Variants in SCAF11 observed in about 807,000 individuals in gnomAD.
SCAF11 encodes the protein SR-related CTD associated factor 11.
SCAF11 carries 47 observed loss-of-function variants against 140.5 expected under a neutral mutation model. The observed-to-expected ratio is 0.33, with a 90% CI of 0.26 to 0.43. SCAF11 has a LOEUF of 0.43. SCAF11 is among the 20% of genes least tolerant of loss of function. The pLI, the probability that SCAF11 is intolerant of heterozygous loss-of-function variation, is 1.00. For synonymous variants in SCAF11, 557 were observed against 579.4 expected (o/e 0.96, Z 0.55); for missense variants, 1,645 against 1,705.1 (o/e 0.96, Z 0.62).
chr12:45,974,143 G>T, intron 1 of SCAF11: 1 of 470,158 alleles, frequency 2.1e-6, no homozygotes, highest in Non-Finnish European at 4.4e-6. Flanking sequence ...CATGAAGTGT[G>T]CAACAGCATT....
intron 1 of SCAF11, among the ~76,000 whole-genome samples, chr12:45,965,604 G>A (rs952626361): frequency 2.6e-5 from 4 of 152,290 alleles, no homozygotes; most frequent in African/African-American, 7.2e-5. Flanking sequence ...ATAAGCCACT[G>A]CACCTGGCCT....
intron 6 of SCAF11, among the ~76,000 whole-genome samples, chr12:45,942,769 T>C (rs1175451063): frequency 1.1e-4 from 17 of 152,220 alleles, no homozygotes. Context: ...TAAACGGTCA[T>C]CTCCACAATG....
intron 3 of SCAF11, among the ~76,000 whole-genome samples, chr12:45,960,182 G>A (rs572987249): frequency 6.6e-6 from 1 of 152,214 alleles, no homozygotes; most frequent in East Asian, 1.9e-4. Flanking sequence ...CCTGGAACAT[G>A]TACATCAGGG....
intron 3 of SCAF11, chr12:45,960,659 A>G (rs1195273620): frequency 7.2e-5 from 11 of 152,136 alleles, no homozygotes; most frequent in Non-Finnish European, 1.6e-4. Flanking sequence ...AATAGTTTAT[A>G]TGTATACTAT....
chr12:45,964,524 G>A (rs966832331), intron 1 of SCAF11, among the ~76,000 whole-genome samples: 2 of 152,012 alleles, frequency 1.3e-5, no homozygotes, highest in African/African-American at 4.8e-5. Flanking sequence ...AAAATTAGCC[G>A]GGCGTGGTGG....
At chr12:45,949,560 A>T (rs972854952) in intron 4 of SCAF11, among the ~76,000 whole-genome samples, 6 of 152,136 alleles carry the variant, frequency 3.9e-5, no homozygotes, top group African/African-American at 1.4e-4. Context: ...GGGGTCTACA[A>T]AGAGGGAACA....
intron 8 of SCAF11, among the ~76,000 whole-genome samples, chr12:45,933,490 A>G (rs1008579265): frequency 6.6e-6 from 1 of 152,126 alleles, no homozygotes; most frequent in Non-Finnish European, 1.5e-5. Context: ...AAGTGACAGA[A>G]TTTTTTAAAT....
At chr12:45,990,958 T>TA (rs1364375672), upstream of SCAF11, among the ~76,000 whole-genome samples, 1 of 152,258 alleles carries the variant, frequency 6.6e-6, no homozygotes, top group Non-Finnish European at 1.5e-5. Context: ...TTGGCAGTTT[T>TA]ACAGGCTGCG....
Position 45,923,090 on chromosome 12 carries a change from G to A in SCAF11, c.3971C>T (p.Ala1324Val). The change falls in exon 13 of 15, where the codon GCA becomes GTA. Residue 1324 changes from alanine to valine, a missense_variant. Coordinates refer to ENST00000369367, the MANE Select transcript of SCAF11 (RefSeq NM_004719.3). The part of the protein sequence containing the change: ...MSTPVLPAPT[A>V]APGNTGMVQG... ...AACCATTCCCGTATTTCCTGGGGCT[G>A]CTGTCGGAGCAGGCAAAACTGGTGT... is the stretch of plus-strand genomic sequence containing the variant. 2 of 1,614,120 alleles carry A rather than the reference G, an allele frequency of 1.2e-6. No individual in the cohort carries two copies. Among genetic ancestry groups the A allele is most frequent in the Non-Finnish European group, 1.7e-6 (2 of 1,180,008 alleles).
chr12:45,972,971 G>GATATATAGATAT (rs1565689304), intron 1 of SCAF11, among the ~76,000 whole-genome samples: 11 of 124,040 alleles, frequency 8.9e-5, no homozygotes, highest in East Asian at 2.1e-4. Flanking sequence ...TATATATATA[G>GATATATAGATAT]ATATATAGAT....
chr12:45,986,689 T>C (rs1345353704), intron 1 of SCAF11, among the ~76,000 whole-genome samples: 5 of 152,190 alleles, frequency 3.3e-5, no homozygotes, highest in Non-Finnish European at 7.3e-5. Context: ...TTCCCACGTG[T>C]TGTGGGAGCA....
chr12:45,964,000 C>A (rs1260835045), intron 2 of SCAF11, 107 bp downstream of exon 2: 14 of 630,044 alleles, frequency 2.2e-5, no homozygotes, highest in Non-Finnish European at 2.7e-6. Context: ...AATTTAAGAA[C>A]AACAATAACA....
At position 45,919,691 on chromosome 12, in the gene SCAF11, C is replaced by T. The variant is rs777084899; in HGVS notation, c.*2357G>A. On this transcript the variant is annotated 3_prime_UTR_variant, in exon 15 of 15. Coordinates refer to ENST00000369367, the MANE Select transcript of SCAF11 (RefSeq NM_004719.3). ...AAATTTTAAAAGTTCGAATTCTAATCAAGTAGCTATTAATGCAGTCTAACC... is the reference window on the plus strand; with the variant it reads ...AAATTTTAAAAGTTCGAATTCTAATTAAGTAGCTATTAATGCAGTCTAACC... The T allele has an allele frequency of 2.0e-5, 3 of 152,174 alleles. No homozygotes were observed. Among genetic ancestry groups the T allele is most frequent in the Non-Finnish European group, 2.9e-5 (2 of 68,028 alleles). 9.4% of individuals were successfully genotyped at this position (152,174 alleles called of 1,614,324 possible).
chr12:45,921,924 T>C lies in SCAF11; in HGVS notation c.*124A>G, dbSNP rs1944723236. The C allele has an allele frequency of 8.7e-7, 1 of 1,153,068 alleles. No homozygotes were observed. The highest frequency in any genetic ancestry group is 1.2e-6 in the Non-Finnish European group (1 of 814,276). The allele number at this position is 1,153,068 out of a possible 1,614,324, so 71.4% of individuals were successfully genotyped here. On this transcript the variant is annotated 3_prime_UTR_variant, in exon 15 of 15. Transcript: ENST00000369367. ...TTAGAACAAAACATCATATCCTATGTTAAAAAAATAATTTTATCAAAACCA... is the reference window on the plus strand; with the variant it reads ...TTAGAACAAAACATCATATCCTATGCTAAAAAAATAATTTTATCAAAACCA...
In SCAF11 at chr12:45,957,285, T is replaced by C. The variant is rs576519089; in HGVS notation, c.219+4415A>G. Among the ~76,000 whole-genome samples, 51 of 152,272 alleles carry C rather than the reference T, an allele frequency of 3.3e-4. 1 individual carries two copies. Among genetic ancestry groups the C allele is most frequent in the African/African-American group, 1.2e-3 (50 of 41,554 alleles). On this transcript the variant is annotated intron_variant, in intron 3 of 14. Transcript: ENST00000369367. ...CAGATAATAAAGCTTTACTGAATTA[T>C]ATTACTTAAAAGTAGTCTAACAACC... is the stretch of plus-strand genomic sequence containing the variant.
At chr12:45,986,321 T>C (rs913534205) in intron 1 of SCAF11, among the ~76,000 whole-genome samples, 1 of 152,224 alleles carries the variant, frequency 6.6e-6, no homozygotes, top group Admixed American at 6.5e-5. Flanking sequence ...AACCCAGGAA[T>C]GTAATCCAGA....
intron 9 of SCAF11, 26 bp downstream of exon 9, chr12:45,933,105 C>T (rs760647438): frequency 6.8e-7 from 1 of 1,471,600 alleles, no homozygotes; most frequent in Non-Finnish European, 9.4e-7. Context: ...ATGTAAACAC[C>T]TGAGTAAATA....
rs79922365 is a variant in SCAF11, at chr12:45,989,839, T to C, written c.-22+514A>G. ...ACGGCGTAGTAAAGTTTGGTTTCAC[T>C]AGCGGGCTTGGACGCTCGCGACCAA... On this transcript the variant is annotated intron_variant, in intron 1 of 14. Coordinates refer to ENST00000369367, the MANE Select transcript of SCAF11 (RefSeq NM_004719.3). Among the ~76,000 whole-genome samples, 1,399 of 152,296 alleles carry C rather than the reference T, an allele frequency of 9.2e-3. 28 individuals are homozygous for C. Among genetic ancestry groups the C allele is most frequent in the African/African-American group, 0.032 (1,349 of 41,556 alleles).
At chr12:45,934,125 T>G in intron 8 of SCAF11, 51 bp downstream of exon 8, 3 of 933,662 alleles carry the variant, frequency 3.2e-6, no homozygotes, top group Middle Eastern at 2.7e-4. Context: ...AAGTTAATAA[T>G]TATTAAACAT....
Sources: allele counts gnomAD v4.1 joint callset (sites outside exome capture counted in the v4.1 genomes callset), GRCh38; gene constraint gnomAD v4.1.1; transcripts MANE v1.5; gene names NCBI Gene and HGNC (gene_info 2026-07-23, HGNC 2026-07-21).